TPX2: variants seen among roughly 807,000 people sequenced by gnomAD.
The protein encoded by TPX2 is targeting protein for Xklp2.
Under a neutral mutation model 93.6 loss-of-function variants are expected in TPX2, and 21 were observed. That is an observed-to-expected ratio of 0.22 (90% confidence interval 0.16 to 0.32). The LOEUF (loss-of-function observed/expected upper bound fraction) is 0.32. Ranked by LOEUF, TPX2 falls within the 10% of genes least tolerant of loss-of-function variation. The pLI, the probability that TPX2 is intolerant of heterozygous loss-of-function variation, is 1.00. For missense variants in TPX2, 776 were observed against 871.1 expected, an observed-to-expected ratio of 0.89 and a Z score of 1.37; for synonymous variants, 281 against 298.3, an observed-to-expected ratio of 0.94 and a Z score of 0.60.
Position 31,771,666 on chromosome 20 carries a change from T to C in TPX2, c.592T>C (p.Cys198Arg). 1.9e-6 allele frequency: 3 copies of C among 1,604,052 alleles called. No homozygotes were observed. Among genetic ancestry groups the C allele is most frequent in the South Asian group, 2.3e-5 (2 of 88,748 alleles). ...EKAKGRHTVP[C>R]MPPAKQKFLK... ...AGCCAAGGGTAGACATACTGTGCCTTGTATGCCACCTGCAAAGTAAGTTTC... is the reference window on the plus strand; with the variant it reads ...AGCCAAGGGTAGACATACTGTGCCTCGTATGCCACCTGCAAAGTAAGTTTC... Residue 198 changes from cysteine (C) to arginine (R), a missense_variant, in exon 7 of 18, where the codon TGT becomes CGT. By Grantham distance (180) the Cys-to-Arg change is radical. Coordinates refer to ENST00000300403, the MANE Select transcript of TPX2 (RefSeq NM_012112.5).
At chr20:31,742,825 T>G (rs1376642169) in intron 2 of TPX2, among the ~76,000 whole-genome samples, 178 bp downstream of exon 2, 1 of 152,182 alleles carries the variant, frequency 6.6e-6, no homozygotes, top group Non-Finnish European at 1.5e-5. Flanking sequence ...ATGGTTAGCC[T>G]TTTGATAGAT....
intron 8 of TPX2, 64 bp downstream of exon 8, chr20:31,776,052 T>G (rs1172406626): frequency 2.4e-5 from 7 of 293,164 alleles, no homozygotes; most frequent in African/African-American, 4.8e-4. Flanking sequence ...TGGTAGGTGT[T>G]TTTTTTTTTT....
chr20:31,744,281 G>A (rs1217515552), intron 2 of TPX2, among the ~76,000 whole-genome samples: 1 of 147,922 alleles, frequency 6.8e-6, no homozygotes, highest in Non-Finnish European at 1.5e-5. Flanking sequence ...TCCTGCCTCA[G>A]CCTCCCGAGT....
chr20:31,758,420 C>T (rs1034907268), intron 3 of TPX2, among the ~76,000 whole-genome samples: 3 of 152,144 alleles, frequency 2.0e-5, no homozygotes, highest in Admixed American at 1.3e-4. Flanking sequence ...GCGCCTGGCC[C>T]TCAATTCATT....
At chr20:31,786,043 A>G (rs978092390) in intron 12 of TPX2, among the ~76,000 whole-genome samples, 2 of 152,244 alleles carry the variant, frequency 1.3e-5, no homozygotes, top group South Asian at 4.1e-4. Context: ...GCTAATACTT[A>G]TATAATGCTT....
intron 2 of TPX2, among the ~76,000 whole-genome samples, chr20:31,752,319 A>T (rs965503577): frequency 6.6e-6 from 1 of 152,144 alleles, no homozygotes; most frequent in Non-Finnish European, 1.5e-5. Context: ...TTTCCTAGGA[A>T]TCCCTCAGCA....
At chr20:31,760,209 T>G (rs1408148687) in intron 4 of TPX2, 30 bp downstream of exon 4, 1 of 1,612,000 alleles carries the variant, frequency 6.2e-7, no homozygotes, top group African/African-American at 1.3e-5. Flanking sequence ...AAAAGCTCCT[T>G]GATAGAATGG....
At chr20:31,762,178 G>A (rs2061894590) in intron 4 of TPX2, among the ~76,000 whole-genome samples, 1 of 152,050 alleles carries the variant, frequency 6.6e-6, no homozygotes, top group African/African-American at 2.4e-5. Context: ...CCATTCTTTA[G>A]TTGTCTCTTC....
Position 31,782,353 on chromosome 20 carries a change from G to A in TPX2, c.1159G>A (p.Ala387Thr). 1.2e-6 allele frequency: 2 copies of A among 1,613,406 alleles called. No homozygotes were observed. Among genetic ancestry groups the A allele is most frequent in the Non-Finnish European group, 1.7e-6 (2 of 1,179,702 alleles). ...RARAVTCKST[A>T]ELEAEELEKL... ...ACGGGCTGTGACCTGCAAAAGTACA[G>A]CAGAGCTGGAGGCTGAGGAGCTCGA... is the stretch of plus-strand genomic sequence containing the variant. The change falls in exon 11 of 18, where the codon GCA (alanine) becomes ACA (threonine). Residue 387 changes from alanine to threonine, a missense_variant. Coordinates refer to ENST00000300403, the MANE Select transcript of TPX2 (RefSeq NM_012112.5).
At chr20:31,773,600 T>C (rs1162081933) in intron 7 of TPX2, among the ~76,000 whole-genome samples, 1 of 152,182 alleles carries the variant, frequency 6.6e-6, no homozygotes, top group Non-Finnish European at 1.5e-5. Context: ...TGAAGTGCCA[T>C]TGGCTTTGAA....
chr20:31,766,539 C>A lies in TPX2; in HGVS notation c.230-17C>A. On this transcript the variant is annotated splice_polypyrimidine_tract_variant and intron_variant, in intron 4 of 17. Transcript: ENST00000300403. ...TCCTTGGCCTTTGAGTGCTGACTAGCTTTTGGTCTTCCGCAGTTGACAACA... is the reference window on the plus strand; with the variant it reads ...TCCTTGGCCTTTGAGTGCTGACTAGATTTTGGTCTTCCGCAGTTGACAACA... 3.1e-6 allele frequency: 5 copies of A among 1,599,440 alleles called. No homozygotes were observed. Among genetic ancestry groups the A allele is most frequent in the Non-Finnish European group, 4.3e-6 (5 of 1,171,962 alleles).
intron 17 of TPX2, among the ~76,000 whole-genome samples, chr20:31,799,929 A>G (rs1482208130): frequency 6.8e-6 from 1 of 147,906 alleles, no homozygotes. Flanking sequence ...AAAGAAGTGT[A>G]AGTTGTTGAG....
At chr20:31,779,764 A>C (rs1050388775) in intron 10 of TPX2, among the ~76,000 whole-genome samples, 1 of 152,228 alleles carries the variant, frequency 6.6e-6, no homozygotes, top group Non-Finnish European at 1.5e-5. Flanking sequence ...TATTGGAGGG[A>C]TACTTAGCAC....
chr20:31,770,506 A>G, intron 6 of TPX2, 35 bp downstream of exon 6: 4 of 1,518,242 alleles, frequency 2.6e-6, no homozygotes, highest in Non-Finnish European at 3.5e-6. Flanking sequence ...CCAAGGGCAG[A>G]CATATTGTAC....
intron 4 of TPX2, among the ~76,000 whole-genome samples, chr20:31,764,127 T>C (rs558475863): frequency 3.3e-5 from 5 of 151,708 alleles, no homozygotes; most frequent in South Asian, 2.1e-4. Context: ...TGTGTGTATA[T>C]ATGTACATAT....
chr20:31,747,201 G>A (rs2061788673), intron 2 of TPX2, among the ~76,000 whole-genome samples: 1 of 152,054 alleles, frequency 6.6e-6, no homozygotes, highest in Admixed American at 6.6e-5. Flanking sequence ...GCTCACTGCA[G>A]CCTCCACCTC....
intron 12 of TPX2, among the ~76,000 whole-genome samples, chr20:31,786,777 A>G (rs1191333580): frequency 1.3e-5 from 2 of 152,220 alleles, no homozygotes; most frequent in African/African-American, 2.4e-5. Flanking sequence ...GCTAGGGTGA[A>G]GTAGTAAGTA....
chr20:31,774,536 T>C (rs544646611), intron 7 of TPX2, among the ~76,000 whole-genome samples: 3 of 152,350 alleles, frequency 2.0e-5, no homozygotes, highest in African/African-American at 7.2e-5. Context: ...AGAGACATCA[T>C]CTGATTGAAC....
chr20:31,782,889 T>TACACACACACACACACACACACAC (rs71926112), intron 11 of TPX2, among the ~76,000 whole-genome samples: 2 of 142,758 alleles, frequency 1.4e-5, no homozygotes, highest in South Asian at 2.3e-4. Context: ...CATACACACA[T>TACACACACACACACACACACACAC]ACACACACAC....
Sources: gnomAD v4.1 joint callset for allele counts (sites outside exome capture counted in the v4.1 genomes callset) on GRCh38, gnomAD v4.1.1 for gene constraint, MANE v1.5 for transcripts, NCBI Gene and HGNC (gene_info 2026-07-23, HGNC 2026-07-21) for gene names.